Variants in SLC17A1 observed in about 807,000 individuals in gnomAD.
SLC17A1 encodes solute carrier family 17 member 1, also known as sodium-dependent phosphate transport protein 1.
A neutral mutation model predicts 53.5 loss-of-function variants in SLC17A1; 51 were observed. The observed-to-expected ratio is 0.95, with a 90% confidence interval of 0.76 to 1.20. The LOEUF (loss-of-function observed/expected upper bound fraction) is 1.20, where lower values mean the gene tolerates loss of function less well. Ranked by LOEUF, SLC17A1 falls within the 50% of genes most tolerant of loss-of-function variation. The pLI, the probability that SLC17A1 is intolerant of heterozygous loss-of-function variation, is 0.00. For synonymous variants in SLC17A1, 179 were observed against 198.8 expected (o/e 0.90, Z 0.84); for missense variants, 538 against 568.2 (o/e 0.95, Z 0.54).
the SLC17A1 span, chr6:25,731,941 C>A: frequency 1.3e-5 from 21 of 1,599,990 alleles, 1 homozygote; most frequent in East Asian, 4.5e-4. Context: ...GCCTCACAGG[C>A]AATGCGCTCA....
At chr6:25,739,008 C>T in the SLC17A1 span, among the ~76,000 whole-genome samples, 55 of 152,286 alleles carry the variant, frequency 3.6e-4, no homozygotes, top group East Asian at 1.7e-3. Flanking sequence ...ATACTTACAA[C>T]ATGATCTAGT....
At chr6:25,762,890 G>T in the SLC17A1 span, among the ~76,000 whole-genome samples, 1 of 152,078 alleles carries the variant, frequency 6.6e-6, no homozygotes, top group African/African-American at 2.4e-5. Flanking sequence ...TATACCATTG[G>T]CCAAATTCTT....
At chr6:25,728,021 C>CA in the SLC17A1 span, among the ~76,000 whole-genome samples, 1 of 151,778 alleles carries the variant, frequency 6.6e-6, no homozygotes, top group Admixed American at 6.6e-5. Flanking sequence ...AAAAACAAAA[C>CA]AAAAAAACCC....
chr6:25,725,576 G>A, the SLC17A1 span, among the ~76,000 whole-genome samples: 1 of 152,132 alleles, frequency 6.6e-6, no homozygotes, highest in Non-Finnish European at 1.5e-5. Context: ...ACTTCCATGT[G>A]TAACCCTTAA....
At chr6:25,768,794 T>G in the SLC17A1 span, among the ~76,000 whole-genome samples, 1 of 152,196 alleles carries the variant, frequency 6.6e-6, no homozygotes, top group African/African-American at 2.4e-5. Flanking sequence ...CTCTGAGAAA[T>G]GTTTCTGAGG....
chr6:25,770,232 A>T, the SLC17A1 span: 1 of 1,614,064 alleles, frequency 6.2e-7, no homozygotes, highest in Non-Finnish European at 8.5e-7. Flanking sequence ...GACCCTCTTC[A>T]TTCCACTGGC....
the SLC17A1 span, chr6:25,726,373 A>G: frequency 1.9e-6 from 3 of 1,614,054 alleles, no homozygotes; most frequent in Admixed American, 5.0e-5. Flanking sequence ...CACTGCCGCC[A>G]AATACACTGG....
the SLC17A1 span, among the ~76,000 whole-genome samples, chr6:25,774,337 A>G: frequency 6.6e-6 from 1 of 152,214 alleles, no homozygotes; most frequent in African/African-American, 2.4e-5. Context: ...CAGATTTCAT[A>G]ACATGTTAGT....
intron 10 of SLC17A1, among the ~76,000 whole-genome samples, chr6:25,807,999 G>T (rs540239179): frequency 1.3e-5 from 2 of 151,976 alleles, no homozygotes; most frequent in Non-Finnish European, 2.9e-5. Context: ...GGGATTGCTG[G>T]GTCAAATGGT....
the SLC17A1 span, among the ~76,000 whole-genome samples, chr6:25,753,755 A>G: frequency 6.6e-6 from 1 of 152,078 alleles, no homozygotes; most frequent in Non-Finnish European, 1.5e-5. Context: ...GCTTGCAGTC[A>G]TAAGACTGAG....
At chr6:25,747,222 G>A in the SLC17A1 span, among the ~76,000 whole-genome samples, 2 of 152,194 alleles carry the variant, frequency 1.3e-5, no homozygotes, top group East Asian at 3.9e-4. Flanking sequence ...GGCATTCAGG[G>A]TAAAGAAGCA....
chr6:25,725,336 G>A, the SLC17A1 span, among the ~76,000 whole-genome samples: 3 of 152,010 alleles, frequency 2.0e-5, no homozygotes, highest in Admixed American at 2.0e-4. Context: ...TACATTTTAA[G>A]AAATAATTCT....
the SLC17A1 span, among the ~76,000 whole-genome samples, chr6:25,725,242 C>A: frequency 6.6e-6 from 1 of 152,170 alleles, no homozygotes; most frequent in African/African-American, 2.4e-5. Flanking sequence ...TATGTTCGGC[C>A]TTCTAGTCCC....
At chr6:25,828,505 C>T (rs760815402) in intron 2 of SLC17A1, among the ~76,000 whole-genome samples, 5 of 151,898 alleles carry the variant, frequency 3.3e-5, no homozygotes, top group Non-Finnish European at 7.4e-5. Flanking sequence ...GACATGTATA[C>T]ATTTTCTAAC....
downstream of SLC17A1, among the ~76,000 whole-genome samples, chr6:25,782,640 C>T (rs922996035): frequency 6.6e-6 from 1 of 152,108 alleles, no homozygotes; most frequent in Non-Finnish European, 1.5e-5. Context: ...ACTGGGTCTG[C>T]TCCGTATCAT....
the SLC17A1 span, among the ~76,000 whole-genome samples, chr6:25,759,257 T>C: frequency 6.6e-6 from 1 of 152,188 alleles, no homozygotes; most frequent in Non-Finnish European, 1.5e-5. Context: ...TGCTGATGAA[T>C]AGAATGTATA....
At chr6:25,740,841 A>T in the SLC17A1 span, among the ~76,000 whole-genome samples, 1 of 152,236 alleles carries the variant, frequency 6.6e-6, no homozygotes, top group Non-Finnish European at 1.5e-5. Context: ...AATACTATTC[A>T]GCCTTAAAAA....
the SLC17A1 span, among the ~76,000 whole-genome samples, chr6:25,766,906 G>A: frequency 6.6e-6 from 1 of 152,084 alleles, no homozygotes; most frequent in Non-Finnish European, 1.5e-5. Context: ...TCCCTATATG[G>A]GATTCTGGAA....
chr6:25,771,719 A>C, the SLC17A1 span, among the ~76,000 whole-genome samples: 1 of 152,236 alleles, frequency 6.6e-6, no homozygotes, highest in Non-Finnish European at 1.5e-5. Context: ...TCATAGCTAG[A>C]AAATTGTGTG....
Sources: allele counts gnomAD v4.1 joint callset (sites outside exome capture counted in the v4.1 genomes callset), GRCh38; gene constraint gnomAD v4.1.1; transcripts MANE v1.5; gene names NCBI Gene and HGNC (gene_info 2026-07-23, HGNC 2026-07-21).